C17orf100: variants seen among roughly 807,000 people sequenced by gnomAD.
The protein encoded by C17orf100 is uncharacterized protein C17orf100.
Under a neutral mutation model 0.7 loss-of-function variants are expected in C17orf100, and 1 was observed. That is an observed-to-expected ratio of 1.50 (90% CI 0.53 to 7.13). The LOEUF is 7.13. Ranked by LOEUF, C17orf100 falls within the 30% of genes most tolerant of loss-of-function variation. The pLI is 0.14. For missense variants in C17orf100, 168 were observed against 171.5 expected (o/e 0.98, Z 0.11); for synonymous variants, 87 against 84.0 (o/e 1.04, Z -0.20).
rs1250381986 is a variant in C17orf100, at chr17:6,651,957, G to C, written c.44G>C (p.Gly15Ala). 1 of 1,531,414 alleles carries C rather than the reference G, an allele frequency of 6.5e-7. No homozygotes were observed. The highest frequency in any genetic ancestry group is 2.4e-5 in the East Asian group (1 of 40,898). The allele number at this position is 1,531,414 out of a possible 1,614,324, so 94.9% of individuals were successfully genotyped here. Residue 15 changes from glycine (G) to alanine (A), a missense_variant, in exon 1 of 1, where the codon GGG (glycine) becomes GCG (alanine). Transcript: ENST00000542475. ...GCCAAGCAGTCTTCGCCCCGGGTGG[G>C]GACCACCCGCTACACAGAGACGTCC... ...RGAKQSSPRV[G>A]TTRYTETSTV...
Position 6,651,776 on chromosome 17 carries a change from A to T in C17orf100, c.-138A>T. 1 of 1,444,446 alleles carries T rather than the reference A, an allele frequency of 6.9e-7. No individual in the cohort carries two copies. The highest frequency in any genetic ancestry group is 9.0e-7 in the Non-Finnish European group (1 of 1,105,262). The allele number at this position is 1,444,446 out of a possible 1,614,324, so 89.5% of individuals were successfully genotyped here. A position where few individuals can be genotyped will look rare whatever the true frequency, so the allele number is the denominator to read the frequency against. The stretch of plus-strand genomic sequence containing the variant: ...AGGAGTCCAGTGTTTTAGCCTTCGA[A>T]GGACCATGGTGCTTCCACGTCATCG... On this transcript the variant is annotated 5_prime_UTR_variant, in exon 1 of 1. It adds an upstream start codon to the 5' untranslated region. Transcript: ENST00000542475.
chr17:6,652,343 A>C lies in C17orf100; in HGVS notation c.*73A>C, dbSNP rs1247370702. On this transcript the variant is annotated 3_prime_UTR_variant, in exon 1 of 1. Transcript: ENST00000542475. ...ACAGAAAGGCCTCCAGTTGCCAGCCAGCCAGCCAGCTGCCAGGTGGACCAA... is the reference window on the plus strand; with the variant it reads ...ACAGAAAGGCCTCCAGTTGCCAGCCCGCCAGCCAGCTGCCAGGTGGACCAA... 1.9e-6 allele frequency: 3 copies of C among 1,588,498 alleles called. No homozygotes were observed. The highest frequency in any genetic ancestry group is 2.6e-6 in the Non-Finnish European group (3 of 1,168,952).
rs765292087 is a variant in C17orf100, at chr17:6,652,369, T to C, written c.*99T>C. On this transcript the variant is annotated 3_prime_UTR_variant, in exon 1 of 1. Transcript: ENST00000542475. ...GCCAGCCAGCTGCCAGGTGGACCAA[T>C]CATTTTCGGTTTCATGGAAACAAAC... The C allele has an allele frequency of 2.8e-5, 43 of 1,552,694 alleles. No homozygotes were observed. The highest frequency in any genetic ancestry group is 3.6e-5 in the Non-Finnish European group (42 of 1,151,466).
rs1461145356 is a variant in C17orf100, at chr17:6,652,921, A to G, written c.*651A>G. 6.0e-6 allele frequency: 1 copy of G among 167,308 alleles called. No homozygotes were observed. Among genetic ancestry groups the G allele is most frequent in the South Asian group, 2.1e-4 (1 of 4,840 alleles). The allele number at this position is 167,308 out of a possible 1,614,324, so 10.4% of individuals were successfully genotyped here. On this transcript the variant is annotated 3_prime_UTR_variant, in exon 1 of 1. Coordinates refer to ENST00000542475, the MANE Select transcript of C17orf100 (RefSeq NM_001105520.2). ...TGAAACCTGGCCTGAGGTTTGAAGA[A>G]GATGGAGAAGAGTTATATTTATTGA...
rs781360742 is a variant in C17orf100 at position 6,652,070 on chromosome 17, C to T, written c.157C>T (p.Leu53Phe). The T allele has an allele frequency of 6.4e-7, 1 of 1,567,374 alleles. No homozygotes were observed. The highest frequency in any genetic ancestry group is 1.2e-5 in the South Asian group (1 of 85,840). Residue 53 changes from leucine (L) to phenylalanine (F), a missense_variant, in exon 1 of 1, where the codon CTC (leucine) becomes TTC (phenylalanine). Physicochemically the swap from Leu to Phe is conservative, Grantham distance 22 (BLOSUM62 0). Coordinates refer to ENST00000542475, the MANE Select transcript of C17orf100 (RefSeq NM_001105520.2). Reference sequence around the variant, plus strand: ...CCAGCGCCGCAGCGAGGGGCCCTCCCTCTCCCCCTCGGGGAAGCGGCTCCC... The same window carrying T: ...CCAGCGCCGCAGCGAGGGGCCCTCCTTCTCCCCCTCGGGGAAGCGGCTCCC... ...TSQRRSEGPS[L>F]SPSGKRLPRI...
At position 6,652,269 on chromosome 17, in the gene C17orf100, G is replaced by A; in HGVS notation, c.356G>A (p.Ter119=). 6.2e-7 allele frequency: 1 copy of A among 1,611,938 alleles called. No homozygotes were observed. The highest frequency in any genetic ancestry group is 8.5e-7 in the Non-Finnish European group (1 of 1,179,758). The change falls in exon 1 of 1, where the codon TGA becomes TAA. Residue 119 remains the stop codon, a stop_retained_variant. Transcript: ENST00000542475. The part of the protein sequence containing the change: ...AARQNEKTAR[*] The stretch of plus-strand genomic sequence containing the variant: ...CGCCAGAACGAAAAAACGGCCCGAT[G>A]AGATGCTGCTTCCCAAAGGCCACCA...
chr17:6,652,554 G>A lies in C17orf100; in HGVS notation c.*284G>A. 7.7e-7 allele frequency: 1 copy of A among 1,307,062 alleles called. No individual in the cohort carries two copies. Among genetic ancestry groups the A allele is most frequent in the Non-Finnish European group, 1.0e-6 (1 of 998,556 alleles). The allele number at this position is 1,307,062 out of a possible 1,614,324, so 81.0% of individuals were successfully genotyped here. ...CAGGCCCAGGATGCTGTCTAAATCG[G>A]GTTGATGGACAAAGAGAGGCTGTTT... is the stretch of plus-strand genomic sequence containing the variant. On this transcript the variant is annotated 3_prime_UTR_variant, in exon 1 of 1. Coordinates refer to ENST00000542475, the MANE Select transcript of C17orf100 (RefSeq NM_001105520.2).
Position 6,652,413 on chromosome 17 carries a change from A to G in C17orf100, c.*143A>G, listed in dbSNP as rs1290801304. On this transcript the variant is annotated 3_prime_UTR_variant, in exon 1 of 1. Transcript: ENST00000542475. ...AACAAACCATAAATCAATGTAAGAA[A>G]CAGCCAAGCCGCAGTTTCTGAACAC... 1 of 1,508,580 alleles carries G rather than the reference A, an allele frequency of 6.6e-7. No homozygotes were observed. The highest frequency in any genetic ancestry group is 2.3e-5 in the Admixed American group (1 of 43,232). 93.4% of individuals were successfully genotyped at this position (1,508,580 alleles called of 1,614,324 possible).
Position 6,651,906 on chromosome 17 carries a change from C to T in C17orf100, c.-8C>T. The T allele has an allele frequency of 1.4e-6, 2 of 1,472,216 alleles. No homozygotes were observed. Among genetic ancestry groups the T allele is most frequent in the Non-Finnish European group, 9.0e-7 (1 of 1,108,230 alleles). 91.2% of individuals were successfully genotyped at this position (1,472,216 alleles called of 1,614,324 possible). A position where few individuals can be genotyped will look rare whatever the true frequency, so the allele number is the denominator to read the frequency against. On this transcript the variant is annotated 5_prime_UTR_variant, in exon 1 of 1. Transcript: ENST00000542475. ...CCGAGGCCTCCCTGGCCCCCTCACG[C>T]CGGCAGAATGGCCTCAGCCCGAGGG... is the stretch of plus-strand genomic sequence containing the variant.
chr17:6,652,140 A>T lies in C17orf100; in HGVS notation c.227A>T (p.Gln76Leu). Reference protein sequence around the residue: ...ASSRHVESSSQRTETTSRHVR... With the variant: ...ASSRHVESSSLRTETTSRHVR... ...TCCCGGCACGTGGAATCCTCCTCGCAGCGCACGGAAACGACCTCCCGCCAC... is the reference window on the plus strand; with the variant it reads ...TCCCGGCACGTGGAATCCTCCTCGCTGCGCACGGAAACGACCTCCCGCCAC... The change falls in exon 1 of 1, where the codon CAG becomes CTG. Residue 76 changes from glutamine (Q) to leucine (L), a missense_variant. Coordinates refer to ENST00000542475, the MANE Select transcript of C17orf100 (RefSeq NM_001105520.2). 1.3e-6 allele frequency: 2 copies of T among 1,598,120 alleles called. No individual in the cohort carries two copies. The highest frequency in any genetic ancestry group is 1.7e-6 in the Non-Finnish European group (2 of 1,177,598).
chr17:6,651,822 T>C lies in C17orf100; in HGVS notation c.-92T>C, dbSNP rs528939179. 1,135 of 1,444,364 alleles carry C rather than the reference T, an allele frequency of 7.9e-4. 6 individuals carry two copies. The highest frequency in any genetic ancestry group is 5.6e-3 in the South Asian group (378 of 67,712). The allele number at this position is 1,444,364 out of a possible 1,614,324, so 89.5% of individuals were successfully genotyped here. On this transcript the variant is annotated 5_prime_UTR_variant, in exon 1 of 1. An upstream start codon of the reference 5' UTR is lost. Transcript: ENST00000542475. ...CATCGTGTTGTGGCGCTCCCGGCTATGGCAGTACCGTAGTTTTCCTCTCTT... is the reference window on the plus strand; with the variant it reads ...CATCGTGTTGTGGCGCTCCCGGCTACGGCAGTACCGTAGTTTTCCTCTCTT...
In C17orf100 at chr17:6,652,051, C is replaced by T. The variant is rs1463511370; in HGVS notation, c.138C>T (p.Arg46=). The change falls in exon 1 of 1, where the codon CGC becomes CGT. Residue 46 remains arginine, a synonymous_variant. Coordinates refer to ENST00000542475, the MANE Select transcript of C17orf100 (RefSeq NM_001105520.2). ...CCCGGCGGGTGGAGACCTCCCAGCG[C>T]CGCAGCGAGGGGCCCTCCCTCTCCC... ...TSSRRVETSQ[R]RSEGPSLSPS... 1 of 1,557,142 alleles carries T rather than the reference C, an allele frequency of 6.4e-7. No homozygotes were observed. Among genetic ancestry groups the T allele is most frequent in the East Asian group, 2.4e-5 (1 of 41,290 alleles).
chr17:6,652,642 CAG>C lies in C17orf100; in HGVS notation c.*376_*377del. On this transcript the variant is annotated 3_prime_UTR_variant, in exon 1 of 1. Coordinates refer to ENST00000542475, the MANE Select transcript of C17orf100 (RefSeq NM_001105520.2). ...TCAGAAAACCTTCACCCCTTAGGAA[CAG>C]AGACCAAACTGAAATAATGACCTGT... 1 of 428,454 alleles carries C rather than the reference CAG, an allele frequency of 2.3e-6. No homozygotes were observed. The highest frequency in any genetic ancestry group is 3.9e-6 in the Non-Finnish European group (1 of 256,746). 26.5% of individuals were successfully genotyped at this position (428,454 alleles called of 1,614,324 possible). A position where few individuals can be genotyped will look rare whatever the true frequency, so the allele number is the denominator to read the frequency against.
rs1183468009 is a variant in C17orf100, at chr17:6,652,147, G to A, written c.234G>A (p.Thr78=). 1.3e-6 allele frequency: 2 copies of A among 1,599,492 alleles called. No homozygotes were observed. Among genetic ancestry groups the A allele is most frequent in the Middle Eastern group, 1.7e-4 (1 of 6,054 alleles). Residue 78 remains threonine (T), a synonymous_variant, in exon 1 of 1, where the codon ACG becomes ACA. Transcript: ENST00000542475. ...ACGTGGAATCCTCCTCGCAGCGCAC[G>A]GAAACGACCTCCCGCCACGTCAGAG... is the stretch of plus-strand genomic sequence containing the variant. ...SRHVESSSQR[T]ETTSRHVRAS...
chr17:6,652,235 C>T lies in C17orf100; in HGVS notation c.322C>T (p.Pro108Ser), dbSNP rs1597636385. 2 of 1,608,482 alleles carry T rather than the reference C, an allele frequency of 1.2e-6. No homozygotes were observed. Among genetic ancestry groups the T allele is most frequent in the Middle Eastern group, 1.6e-4 (1 of 6,062 alleles). ...GGAGAGCCCGACCCCGCGGGCCAAGCCGGCCGCCCGCCAGAACGAAAAAAC... is the reference window on the plus strand; with the variant it reads ...GGAGAGCCCGACCCCGCGGGCCAAGTCGGCCGCCCGCCAGAACGAAAAAAC... ...CAESPTPRAKPAARQNEKTAR is the reference protein window; with the variant it reads ...CAESPTPRAKSAARQNEKTAR The change falls in exon 1 of 1, where the codon CCG (proline) becomes TCG (serine). Residue 108 changes from proline (P) to serine (S), a missense_variant. By Grantham distance (74) the Pro-to-Ser change is moderately conservative. Coordinates refer to ENST00000542475, the MANE Select transcript of C17orf100 (RefSeq NM_001105520.2).
Position 6,652,195 on chromosome 17 carries a change from G to A in C17orf100, c.282G>A (p.Thr94=). The A allele has an allele frequency of 1.2e-6, 2 of 1,605,848 alleles. No homozygotes were observed. Among genetic ancestry groups the A allele is most frequent in the Non-Finnish European group, 1.7e-6 (2 of 1,179,624 alleles). ...GAGCCTCGTCCCTGAGGGTGGAGAC[G>A]TCTCTGCACTGCGCGGAGAGCCCGA... ...HVRASSLRVE[T]SLHCAESPTP... The change falls in exon 1 of 1, where the codon ACG becomes ACA. Residue 94 remains threonine (T), a synonymous_variant. Coordinates refer to ENST00000542475, the MANE Select transcript of C17orf100 (RefSeq NM_001105520.2).
Position 6,653,345 on chromosome 17 carries a change from T to TA in C17orf100, c.*1081dup. On this transcript the variant is annotated 3_prime_UTR_variant, in exon 1 of 1. Coordinates refer to ENST00000542475, the MANE Select transcript of C17orf100 (RefSeq NM_001105520.2). The stretch of plus-strand genomic sequence containing the variant: ...ATTCTGGGAACTTGGGCTATAGCAG[T>TA]AAAAAAGGCAAAGTCCCAGCTCTAG... 6.0e-6 allele frequency: 1 copy of TA among 165,330 alleles called. No individual in the cohort carries two copies. The allele number at this position is 165,330 out of a possible 1,614,324, so 10.2% of individuals were successfully genotyped here.
Position 6,652,074 on chromosome 17 carries a change from C to A in C17orf100, c.161C>A (p.Ser54Tyr), listed in dbSNP as rs369855083. ...CGCCGCAGCGAGGGGCCCTCCCTCT[C>A]CCCCTCGGGGAAGCGGCTCCCTCGC... ...SQRRSEGPSL[S>Y]PSGKRLPRIL... Residue 54 changes from serine (S) to tyrosine (Y), a missense_variant, in exon 1 of 1, where the codon TCC (serine) becomes TAC (tyrosine). Ser to Tyr is a moderately radical substitution (Grantham distance 144, BLOSUM62 -2). Coordinates refer to ENST00000542475, the MANE Select transcript of C17orf100 (RefSeq NM_001105520.2). 77 of 1,569,894 alleles carry A rather than the reference C, an allele frequency of 4.9e-5. No individual in the cohort carries two copies. The African/African-American group carries it at 6.6e-4, about 14-fold the overall frequency.
In C17orf100 at chr17:6,652,077, C is replaced by T. The variant is rs181340378; in HGVS notation, c.164C>T (p.Pro55Leu). ...CGCAGCGAGGGGCCCTCCCTCTCCC[C>T]CTCGGGGAAGCGGCTCCCTCGCATC... ...QRRSEGPSLS[P>L]SGKRLPRILE... The change falls in exon 1 of 1, where the codon CCC becomes CTC. Residue 55 changes from proline (P) to leucine (L), a missense_variant. By Grantham distance (98) the Pro-to-Leu change is moderately conservative. Transcript: ENST00000542475. The T allele has an allele frequency of 6.4e-7, 1 of 1,572,218 alleles. No individual in the cohort carries two copies. Among genetic ancestry groups the T allele is most frequent in the Admixed American group, 1.8e-5 (1 of 54,954 alleles).
Sources: gnomAD v4.1 joint callset for allele counts on GRCh38, gnomAD v4.1.1 for gene constraint, MANE v1.5 for transcripts, NCBI Gene and HGNC (gene_info 2026-07-23, HGNC 2026-07-21) for gene names.